Variants in SYT9 observed in about 807,000 individuals in gnomAD.
SYT9 encodes the protein synaptotagmin 9, also known as synaptotagmin-9.
SYT9 carries 22 observed loss-of-function variants against 48.4 expected under a neutral mutation model. The ratio of observed to expected loss-of-function variants is 0.45; its 90% CI spans 0.32 to 0.65. The LOEUF (loss-of-function observed/expected upper bound fraction) is 0.65, where lower values mean the gene tolerates loss of function less well. SYT9 is among the 30% of genes least tolerant of loss of function. The probability of loss-of-function intolerance (pLI) is 0.03; values close to 1 mark genes in which losing one functional copy is unlikely to be tolerated. For synonymous variants in SYT9, 265 were observed against 245.0 expected, an observed-to-expected ratio of 1.08 and a Z score of -0.76; for missense variants, 577 against 622.0, an observed-to-expected ratio of 0.93 and a Z score of 0.77.
intron 3 of SYT9, among the ~76,000 whole-genome samples, chr11:7,367,707 G>C (rs745662411): frequency 1.6e-4 from 25 of 151,968 alleles, no homozygotes; most frequent in Non-Finnish European, 1.9e-4. Context: ...AAGGTGTCAG[G>C]TTTTGTTTGC....
intron 1 of SYT9, among the ~76,000 whole-genome samples, chr11:7,279,889 C>T (rs1848463399): frequency 6.6e-6 from 1 of 152,134 alleles, no homozygotes; most frequent in Non-Finnish European, 1.5e-5. Flanking sequence ...GTGACAGCCA[C>T]TTATGCTGCA....
intron 3 of SYT9, among the ~76,000 whole-genome samples, chr11:7,325,413 T>C (rs7109973): frequency 0.43 from 54,299 of 125,166 alleles, 8,699 homozygotes; most frequent in Non-Finnish European, 0.48. Context: ...GCTCTCTGTT[T>C]GTCTGTTGTT....
Position 7,468,121 on chromosome 11 carries a change from CA to C in SYT9, c.*1323del. On this transcript the variant is annotated 3_prime_UTR_variant, in exon 7 of 7. Transcript: ENST00000318881. ...CATCCACACATTTGCACCACTACTC[CA>C]AGATAGTATTTTTCTTTTCACACAA... The C allele has an allele frequency of 2.5e-6, 1 of 395,690 alleles. No homozygotes were observed. The highest frequency in any genetic ancestry group is 3.6e-5 in the East Asian group (1 of 27,910). The allele number at this position is 395,690 out of a possible 1,614,324, so 24.5% of individuals were successfully genotyped here. A position where few individuals can be genotyped will look rare whatever the true frequency, so the allele number is the denominator to read the frequency against.
At chr11:7,456,003 G>T (rs1438260817) in intron 6 of SYT9, among the ~76,000 whole-genome samples, 1 of 152,170 alleles carries the variant, frequency 6.6e-6, no homozygotes, top group Non-Finnish European at 1.5e-5. Flanking sequence ...CCTCCTCCAT[G>T]AAGTTTCTAG....
At chr11:7,258,868 A>G (rs1051548284) in intron 1 of SYT9, among the ~76,000 whole-genome samples, 1 of 152,040 alleles carries the variant, frequency 6.6e-6, no homozygotes, top group Non-Finnish European at 1.5e-5. Flanking sequence ...TTTACTTTCT[A>G]CTTTTTTGTA....
intron 1 of SYT9, among the ~76,000 whole-genome samples, chr11:7,246,698 A>G (rs1001757372): frequency 6.6e-6 from 1 of 152,172 alleles, no homozygotes; most frequent in Non-Finnish European, 1.5e-5. Context: ...ATGACTTAAA[A>G]CAACCACCAT....
At position 7,464,798 on chromosome 11, in the gene SYT9, C is replaced by T. The variant is rs149901586; in HGVS notation, c.1468-1994C>T. Among the ~76,000 whole-genome samples, 689 of 152,024 alleles carry T rather than the reference C, an allele frequency of 4.5e-3. 4 individuals are homozygous for T. Among genetic ancestry groups the T allele is most frequent in the Middle Eastern group, 0.037 (11 of 294 alleles). On this transcript the variant is annotated intron_variant, in intron 6 of 6. Transcript: ENST00000318881. ...TGGTGGCTTAGAAAGTAGAGCTATT[C>T]GGGGCCAGGCGCGGTGGCTCACGCC...
intron 6 of SYT9, among the ~76,000 whole-genome samples, chr11:7,448,620 C>G (rs752566329): frequency 6.6e-6 from 1 of 152,192 alleles, no homozygotes; most frequent in Non-Finnish European, 1.5e-5. Flanking sequence ...CCTGCATCTC[C>G]GATGTTGTGT....
chr11:7,357,898 GAC>G (rs1031788228), intron 3 of SYT9, among the ~76,000 whole-genome samples: 25 of 131,932 alleles, frequency 1.9e-4, no homozygotes, highest in Non-Finnish European at 3.9e-4. Context: ...TTTATCTATA[GAC>G]ATAATTTATT....
chr11:7,280,365 T>G (rs528605974), intron 1 of SYT9, among the ~76,000 whole-genome samples: 194 of 152,366 alleles, frequency 1.3e-3, no homozygotes, highest in Middle Eastern at 3.4e-3. Context: ...AGTAAAACAA[T>G]GACACATGTC....
At chr11:7,292,845 C>T (rs960141295) in intron 1 of SYT9, among the ~76,000 whole-genome samples, 3 of 152,160 alleles carry the variant, frequency 2.0e-5, no homozygotes, top group Admixed American at 2.0e-4. Context: ...AGTAGATTTT[C>T]CCCCAATTAA....
Position 7,452,720 on chromosome 11 carries a change from G to A in SYT9, c.1468-14072G>A, listed in dbSNP as rs142467506. Among the ~76,000 whole-genome samples, 904 of 151,952 alleles carry A rather than the reference G, an allele frequency of 5.9e-3. 9 individuals carry two copies. Among genetic ancestry groups the A allele is most frequent in the South Asian group, 0.046 (220 of 4,806 alleles). On this transcript the variant is annotated intron_variant, in intron 6 of 6. Transcript: ENST00000318881. ...GCCAGTTGCCCAGAGAGCTTTGAAC[G>A]GGACAGTTATCACACCCTGAGTCAA...
intron 6 of SYT9, among the ~76,000 whole-genome samples, chr11:7,436,741 G>A (rs1847718650): frequency 6.6e-6 from 1 of 152,180 alleles, no homozygotes; most frequent in Non-Finnish European, 1.5e-5. Flanking sequence ...GACAAATTGA[G>A]GAGAGCAAAA....
intron 3 of SYT9, among the ~76,000 whole-genome samples, chr11:7,317,388 G>A (rs551345491): frequency 3.3e-5 from 5 of 152,270 alleles, no homozygotes; most frequent in Admixed American, 3.3e-4. Flanking sequence ...TCTGGAGCCT[G>A]GGATATCCAA....
intron 1 of SYT9, among the ~76,000 whole-genome samples, chr11:7,282,999 T>G (rs904470371): frequency 6.6e-6 from 1 of 151,160 alleles, no homozygotes; most frequent in Non-Finnish European, 1.5e-5. Flanking sequence ...AAAGCTTTAA[T>G]TTAGAATGGA....
intron 3 of SYT9, among the ~76,000 whole-genome samples, chr11:7,370,006 A>T (rs918683657): frequency 3.3e-5 from 5 of 152,084 alleles, no homozygotes; most frequent in Admixed American, 6.5e-5. Context: ...TCACACATGC[A>T]GTATACACGG....
At chr11:7,302,910 C>T (rs1848950018) in intron 1 of SYT9, 129 bp from the exon 2 acceptor site, 1 of 792,268 alleles carries the variant, frequency 1.3e-6, no homozygotes, top group Admixed American at 2.4e-5. Context: ...CAGCCATGCG[C>T]CCCAGCATGG....
intron 3 of SYT9, among the ~76,000 whole-genome samples, chr11:7,375,158 C>T (rs1025494562): frequency 6.6e-6 from 1 of 152,156 alleles, no homozygotes; most frequent in African/African-American, 2.4e-5. Flanking sequence ...TTTGCCAACA[C>T]CATTTATTAA....
chr11:7,465,651 C>T, intron 6 of SYT9: 1 of 153,046 alleles, frequency 6.5e-6, no homozygotes, highest in Non-Finnish European at 1.5e-5. Flanking sequence ...TGTTGCACCA[C>T]TCAGACCTCA....
Sources: gnomAD v4.1 joint callset for allele counts (sites outside exome capture counted in the v4.1 genomes callset) on GRCh38, gnomAD v4.1.1 for gene constraint, MANE v1.5 for transcripts, NCBI Gene and HGNC (gene_info 2026-07-23, HGNC 2026-07-21) for gene names.